Variants in ARB2A observed in about 807,000 individuals in gnomAD.
ARB2A encodes the protein cotranscriptional regulator ARB2A.
the ARB2A span, among the ~76,000 whole-genome samples, chr5:93,927,671 C>T: frequency 0.025 from 3,813 of 152,040 alleles, 77 homozygotes; most frequent in Non-Finnish European, 0.04. Context: ...CAATTGGTTC[C>T]GAATTTAGGT....
chr5:93,804,478 A>G, the ARB2A span, among the ~76,000 whole-genome samples: 1 of 151,922 alleles, frequency 6.6e-6, no homozygotes, highest in Non-Finnish European at 1.5e-5. Context: ...TTAAGATGAT[A>G]TAACTGTATT....
chr5:93,999,931 G>A, the ARB2A span, among the ~76,000 whole-genome samples: 6 of 152,056 alleles, frequency 3.9e-5, no homozygotes, highest in South Asian at 4.2e-4. Context: ...GTTCAATTTG[G>A]CTTTTTCCAC....
the ARB2A span, among the ~76,000 whole-genome samples, chr5:94,077,372 C>G: frequency 2.1e-4 from 23 of 108,752 alleles, no homozygotes; most frequent in Non-Finnish European, 4.2e-4. Context: ...GACTCTGTCT[C>G]AAAAAAAAAA....
the ARB2A span, among the ~76,000 whole-genome samples, chr5:93,947,886 T>C: frequency 6.6e-6 from 1 of 151,952 alleles, no homozygotes; most frequent in African/African-American, 2.4e-5. Context: ...ATGGTGTATA[T>C]GTGCCACATT....
chr5:93,661,273 G>A, the ARB2A span, among the ~76,000 whole-genome samples: 15 of 152,104 alleles, frequency 9.9e-5, no homozygotes, highest in African/African-American at 3.1e-4. Context: ...GGACTTCTTC[G>A]AGGAAGTTAA....
At chr5:93,879,417 T>C in the ARB2A span, among the ~76,000 whole-genome samples, 1 of 151,950 alleles carries the variant, frequency 6.6e-6, no homozygotes, top group Non-Finnish European at 1.5e-5. Flanking sequence ...TGTCTTTTGG[T>C]GCTTTTGTTG....
the ARB2A span, among the ~76,000 whole-genome samples, chr5:93,765,670 A>G: frequency 6.6e-6 from 1 of 150,662 alleles, no homozygotes; most frequent in Non-Finnish European, 1.5e-5. Context: ...ACCAATGACT[A>G]GAATTGGAAA....
chr5:94,093,744 C>T, the ARB2A span, among the ~76,000 whole-genome samples: 5 of 152,146 alleles, frequency 3.3e-5, no homozygotes, highest in African/African-American at 1.2e-4. Context: ...GCCTAATGTT[C>T]AAAGTTTCAT....
At chr5:93,960,383 GT>G in the ARB2A span, among the ~76,000 whole-genome samples, 1 of 151,880 alleles carries the variant, frequency 6.6e-6, no homozygotes, top group African/African-American at 2.4e-5. Context: ...CCCCTTCCCT[GT>G]TTTATTTTCC....
the ARB2A span, among the ~76,000 whole-genome samples, chr5:93,980,063 T>C: frequency 6.6e-6 from 1 of 152,174 alleles, no homozygotes; most frequent in Non-Finnish European, 1.5e-5. Context: ...TTTATATAGC[T>C]AAAGTTCCTT....
chr5:93,751,037 C>T, the ARB2A span, among the ~76,000 whole-genome samples: 3 of 152,036 alleles, frequency 2.0e-5, no homozygotes, highest in Non-Finnish European at 4.4e-5. Flanking sequence ...ATCTTCATGC[C>T]AATTTTGATT....
At chr5:93,637,364 T>TTG in the ARB2A span, among the ~76,000 whole-genome samples, 2 of 149,750 alleles carry the variant, frequency 1.3e-5, no homozygotes, top group East Asian at 3.9e-4. Flanking sequence ...GTTTTTTTTT[T>TTG]TTTTTTTTTT....
At chr5:93,791,971 C>A in the ARB2A span, among the ~76,000 whole-genome samples, 1 of 151,500 alleles carries the variant, frequency 6.6e-6, no homozygotes, top group Non-Finnish European at 1.5e-5. Flanking sequence ...AAGTGATTGA[C>A]AATCTGGGAG....
the ARB2A span, among the ~76,000 whole-genome samples, chr5:93,941,134 G>A: frequency 0.041 from 6,263 of 152,060 alleles, 414 homozygotes; most frequent in African/African-American, 0.14. Flanking sequence ...TTTAACCCTG[G>A]AGCAAGTCAC....
chr5:93,815,019 T>A, the ARB2A span, among the ~76,000 whole-genome samples: 2 of 151,650 alleles, frequency 1.3e-5, no homozygotes, highest in Non-Finnish European at 2.9e-5. Context: ...TTTAAAAAAA[T>A]TTTTGTACAA....
At chr5:93,648,268 G>A in the ARB2A span, among the ~76,000 whole-genome samples, 1 of 151,840 alleles carries the variant, frequency 6.6e-6, no homozygotes, top group African/African-American at 2.4e-5. Flanking sequence ...TGAAACTTCA[G>A]AGTGACAACA....
chr5:93,756,976 T>C, the ARB2A span, among the ~76,000 whole-genome samples: 7 of 151,850 alleles, frequency 4.6e-5, no homozygotes, highest in Non-Finnish European at 8.8e-5. Flanking sequence ...ATCCAAAAAA[T>C]GATATAAGAA....
At chr5:93,636,164 A>G in the ARB2A span, among the ~76,000 whole-genome samples, 2 of 152,204 alleles carry the variant, frequency 1.3e-5, no homozygotes, top group Admixed American at 1.3e-4. Context: ...ACAGACTTTC[A>G]AAAGCATATA....
At chr5:94,015,015 GAAAGACAT>G in the ARB2A span, among the ~76,000 whole-genome samples, 2 of 151,808 alleles carry the variant, frequency 1.3e-5, no homozygotes, top group African/African-American at 4.8e-5. Context: ...CAAAACATGA[GAAAGACAT>G]AAATATCCAG....
Sources: allele counts gnomAD v4.1 joint callset (sites outside exome capture counted in the v4.1 genomes callset), GRCh38; gene constraint gnomAD v4.1.1; transcripts MANE v1.5; gene names NCBI Gene and HGNC (gene_info 2026-07-23, HGNC 2026-07-21).